AP1B1: variants seen among roughly 807,000 people sequenced by gnomAD.
AP1B1 encodes the protein adaptor related protein complex 1 subunit beta 1, also known as AP-1 complex subunit beta-1.
In AP1B1, 36 loss-of-function variants were observed where a neutral mutation model predicts 104.3. The observed-to-expected ratio is 0.35, with a 90% CI of 0.26 to 0.46. The LOEUF (loss-of-function observed/expected upper bound fraction) is 0.46, where lower values mean the gene tolerates loss of function less well. Ranked by LOEUF, AP1B1 falls within the 20% of genes least tolerant of loss-of-function variation. The pLI is 1.00. For missense variants in AP1B1, 901 were observed against 1,247.9 expected (o/e 0.72, Z 4.19); for synonymous variants, 504 against 517.5 (o/e 0.97, Z 0.35).
intron 11 of AP1B1, among the ~76,000 whole-genome samples, chr22:29,345,225 AT>A (rs1287658728): frequency 0.013 from 1,678 of 133,598 alleles, 35 homozygotes; most frequent in African/African-American, 0.039. Flanking sequence ...CACCCAGTTC[AT>A]TTTTTTTTTT....
Position 29,351,788 on chromosome 22 carries a change from C to A in AP1B1, c.976G>T (p.Val326Leu), listed in dbSNP as rs1278176541. Reference sequence around the variant, plus strand: ...ACGTAGATAGGGTCGTTGTACTTCACGAAGAACACCTTCATCTCATGCTTC... The same window carrying A: ...ACGTAGATAGGGTCGTTGTACTTCAAGAAGAACACCTTCATCTCATGCTTC... ...ILKHEMKVFF[V>L]KYNDPIYVKL... The change falls in exon 8 of 23, where the codon GTG (valine) becomes TTG (leucine). Residue 326 changes from valine to leucine, a missense_variant. By Grantham distance (32) the Val-to-Leu change is conservative. This residue lies in a region of AP1B1 where 471 missense variants were observed against 696.7 expected (regional missense o/e 0.68). Transcript: ENST00000357586. The A allele has an allele frequency of 6.2e-7, 1 of 1,614,090 alleles. No homozygotes were observed. The highest frequency in any genetic ancestry group is 8.5e-7 in the Non-Finnish European group (1 of 1,180,032).
intron 1 of AP1B1, among the ~76,000 whole-genome samples, chr22:29,376,629 G>A (rs2062346759): frequency 6.7e-6 from 1 of 150,074 alleles, no homozygotes. Context: ...TTAGCTCATG[G>A]ACAGTCAAGA....
At chr22:29,356,681 T>C in intron 5 of AP1B1, 65 bp from the exon 6 acceptor site, 1 of 1,459,414 alleles carries the variant, frequency 6.9e-7, no homozygotes, top group Non-Finnish European at 9.5e-7. Context: ...GGCAGTGCAT[T>C]AATGATGCTG....
chr22:29,349,039 C>T lies in AP1B1; in HGVS notation c.1437+179G>A, dbSNP rs146974481. 2.7e-3 allele frequency among the ~76,000 whole-genome samples: 406 copies of T among 152,320 alleles called. 5 individuals carry two copies. The highest frequency in any genetic ancestry group is 9.1e-3 in the African/African-American group (378 of 41,562). On this transcript the variant is annotated intron_variant, in intron 11 of 22. Transcript: ENST00000357586. ...ACCACCACAGACTCTCACGTGTCCCCGACTCGACTGTACTGCAGTGAGGAG... is the reference window on the plus strand; with the variant it reads ...ACCACCACAGACTCTCACGTGTCCCTGACTCGACTGTACTGCAGTGAGGAG...
chr22:29,382,348 T>C (rs948757260), intron 1 of AP1B1, among the ~76,000 whole-genome samples: 7 of 152,184 alleles, frequency 4.6e-5, no homozygotes, highest in African/African-American at 1.7e-4. Flanking sequence ...CACCTGGCCA[T>C]GCATGTACAA....
chr22:29,369,165 G>A (rs1030367621), intron 1 of AP1B1, among the ~76,000 whole-genome samples: 5 of 152,104 alleles, frequency 3.3e-5, no homozygotes, highest in African/African-American at 4.8e-5. Context: ...AGTTACTAGT[G>A]CAACGGATGT....
At chr22:29,359,748 C>T in intron 4 of AP1B1, 76 bp downstream of exon 4, 1 of 1,537,222 alleles carries the variant, frequency 6.5e-7, no homozygotes, top group Non-Finnish European at 8.8e-7. Flanking sequence ...TGCCACAGGG[C>T]CCCGCCCCAA....
rs1334923937 is a variant in AP1B1, at chr22:29,334,287, CAA to C, written c.2285_2286del (p.Phe762CysfsTer94). 1 of 1,604,046 alleles carries C rather than the reference CAA, an allele frequency of 6.2e-7. No individual in the cohort carries two copies. ...CACCTGTTGCGGTTGAACTGGATGG[CAA>C]AGTCGGTCATGACCTGCAAGGCCTT... ...TNKALQVMTD[F>X]AIQFNRNSFG... On this transcript the variant is annotated frameshift_variant, in exon 17 of 23. Transcript: ENST00000357586. LOFTEE classifies it high-confidence loss of function.
At chr22:29,369,412 G>T (rs2062195660) in intron 1 of AP1B1, among the ~76,000 whole-genome samples, 1 of 152,142 alleles carries the variant, frequency 6.6e-6, no homozygotes, top group African/African-American at 2.4e-5. Flanking sequence ...AGGAATAAAG[G>T]CTTCACTGAC....
At chr22:29,366,350 A>T (rs1034496616) in intron 2 of AP1B1, among the ~76,000 whole-genome samples, 1 of 152,192 alleles carries the variant, frequency 6.6e-6, no homozygotes, top group African/African-American at 2.4e-5. Flanking sequence ...ATGAAAATAC[A>T]TGCCTGACCG....
chr22:29,373,658 T>A (rs1160984643), intron 1 of AP1B1, among the ~76,000 whole-genome samples: 1 of 151,984 alleles, frequency 6.6e-6, no homozygotes, highest in Non-Finnish European at 1.5e-5. Flanking sequence ...ATCCCAGCAC[T>A]TTCGGAGGCC....
At chr22:29,359,109 C>T in intron 4 of AP1B1, 138 bp from the exon 5 acceptor site, 1 of 834,100 alleles carries the variant, frequency 1.2e-6, no homozygotes, top group Non-Finnish European at 1.8e-6. Flanking sequence ...CCAACTACAG[C>T]CAACAACAGC....
At chr22:29,384,524 C>CT (rs1282662665) in intron 1 of AP1B1, among the ~76,000 whole-genome samples, 6 of 152,176 alleles carry the variant, frequency 3.9e-5, no homozygotes, top group Admixed American at 2.6e-4. Flanking sequence ...TACCAGACAC[C>CT]TCACTAGGTG....
intron 22 of AP1B1, 113 bp downstream of exon 22, chr22:29,329,599 G>A: frequency 1.3e-6 from 2 of 1,560,074 alleles, no homozygotes; most frequent in East Asian, 2.3e-5. Flanking sequence ...AGCCCCCCGG[G>A]TGAGGTGAGG....
At chr22:29,360,023 C>G in intron 3 of AP1B1, 64 bp from the exon 4 acceptor site, 1 of 1,560,276 alleles carries the variant, frequency 6.4e-7, no homozygotes, top group South Asian at 1.2e-5. Flanking sequence ...GATTTTCAGG[C>G]TGCTAACTAG....
At chr22:29,386,765 G>A (rs1049728274) in intron 1 of AP1B1, among the ~76,000 whole-genome samples, 3 of 152,190 alleles carry the variant, frequency 2.0e-5, no homozygotes, top group East Asian at 1.9e-4. Context: ...ACAGGAAGGC[G>A]GCAGGTCTTT....
intron 22 of AP1B1, 102 bp downstream of exon 22, chr22:29,329,610 C>T (rs1602676608): frequency 6.3e-7 from 1 of 1,574,854 alleles, no homozygotes; most frequent in East Asian, 2.3e-5. Context: ...TGAGGTGAGG[C>T]CAAGAGATGA....
rs528846505 is a variant in AP1B1 at position 29,370,914 on chromosome 22, CTG to C, written c.-27-3646_-27-3645del. Among the ~76,000 whole-genome samples, 3 of 152,318 alleles carry C rather than the reference CTG, an allele frequency of 2.0e-5. No homozygotes were observed. The South Asian group carries it at 6.2e-4, about 32-fold the overall frequency. On this transcript the variant is annotated intron_variant, in intron 1 of 22. Coordinates refer to ENST00000357586, the MANE Select transcript of AP1B1 (RefSeq NM_001127.4). ...TGGCTGCAGCTTTTTTCCGCAGTAT[CTG>C]TTTCACATATCCCTCTGCAGAGGGC...
rs1602690669 is a variant in AP1B1, at chr22:29,334,301, A to C, written c.2273T>G (p.Val758Gly). The C allele has an allele frequency of 6.2e-7, 1 of 1,607,714 alleles. No homozygotes were observed. Among genetic ancestry groups the C allele is most frequent in the East Asian group, 2.2e-5 (1 of 44,676 alleles). ...GAACTGGATGGCAAAGTCGGTCATG[A>C]CCTGCAAGGCCTTGTTGGTCAGCTG... is the stretch of plus-strand genomic sequence containing the variant. ...DLQLTNKALQ[V>G]MTDFAIQFNR... The change falls in exon 17 of 23, where the codon GTC becomes GGC. Residue 758 changes from valine (V) to glycine (G), a missense_variant. Physicochemically the swap from Val to Gly is moderately radical, Grantham distance 109 (BLOSUM62 -3). Coordinates refer to ENST00000357586, the MANE Select transcript of AP1B1 (RefSeq NM_001127.4).
Sources: gnomAD v4.1 joint callset for allele counts (sites outside exome capture counted in the v4.1 genomes callset) on GRCh38, gnomAD v4.1.1 for gene constraint, gnomAD v4.1.1 regional missense constraint, MANE v1.5 for transcripts, NCBI Gene and HGNC (gene_info 2026-07-23, HGNC 2026-07-21) for gene names.